Variants in ACTR3C observed in about 807,000 individuals in gnomAD.
ACTR3C encodes the protein actin-related protein 3C.
A neutral mutation model predicts 26.3 loss-of-function variants in ACTR3C; 18 were observed. The ratio of observed to expected loss-of-function variants is 0.68; its 90% CI spans 0.47 to 1.01. The LOEUF (loss-of-function observed/expected upper bound fraction) is 1.01. ACTR3C is among the 50% of genes least tolerant of loss of function. ACTR3C has a pLI of 0.00. For missense variants in ACTR3C, 184 were observed against 250.7 expected (o/e 0.73, Z 1.80); for synonymous variants, 55 against 94.5 (o/e 0.58, Z 2.42).
chr7:150,160,513 G>A, the ACTR3C span, among the ~76,000 whole-genome samples: 1 of 152,160 alleles, frequency 6.6e-6, no homozygotes, highest in Admixed American at 6.5e-5. Flanking sequence ...TGACAGAAAG[G>A]AGAAAGCATG....
At chr7:150,024,319 C>T in the ACTR3C span, among the ~76,000 whole-genome samples, 152 of 152,194 alleles carry the variant, frequency 1.0e-3, 2 homozygotes, top group African/African-American at 3.4e-3. Context: ...GGAGGACCCA[C>T]GGGAGGGTGG....
chr7:149,947,911 A>G, the ACTR3C span, among the ~76,000 whole-genome samples: 2 of 151,688 alleles, frequency 1.3e-5, no homozygotes, highest in African/African-American at 4.9e-5. Flanking sequence ...CTAAATCCCC[A>G]TCTGCTACAG....
the ACTR3C span, chr7:150,076,530 C>T: frequency 1.8e-4 from 28 of 152,130 alleles, no homozygotes; most frequent in African/African-American, 6.7e-4. Flanking sequence ...AATTCCTTCT[C>T]GCCCACACCT....
chr7:150,047,117 T>C, the ACTR3C span, among the ~76,000 whole-genome samples: 1 of 150,934 alleles, frequency 6.6e-6, no homozygotes, highest in Non-Finnish European at 1.5e-5. Context: ...AGGAGAGGCA[T>C]TTGAGTCAAG....
chr7:150,145,118 A>G, the ACTR3C span, among the ~76,000 whole-genome samples: 3 of 144,336 alleles, frequency 2.1e-5, no homozygotes, highest in Non-Finnish European at 4.5e-5. Context: ...TAGAGAAATA[A>G]CTGAGTGGAA....
At chr7:150,150,333 C>T in the ACTR3C span, among the ~76,000 whole-genome samples, 3 of 152,208 alleles carry the variant, frequency 2.0e-5, no homozygotes, top group Non-Finnish European at 2.9e-5. Flanking sequence ...CTTTCTCTCC[C>T]GCTGGTCTTG....
chr7:150,300,137 G>T (rs2129614142), intron 1 of ACTR3C, among the ~76,000 whole-genome samples: 1 of 152,250 alleles, frequency 6.6e-6, no homozygotes, highest in South Asian at 2.1e-4. Flanking sequence ...CGGATCATGA[G>T]CTCAGGAGTT....
the ACTR3C span, among the ~76,000 whole-genome samples, chr7:149,933,557 A>G: frequency 6.6e-6 from 1 of 152,378 alleles, no homozygotes; most frequent in East Asian, 1.9e-4. Flanking sequence ...AAAAGAAACA[A>G]AAAACAATTA....
At chr7:150,163,267 G>T in the ACTR3C span, among the ~76,000 whole-genome samples, 1 of 152,094 alleles carries the variant, frequency 6.6e-6, no homozygotes, top group Non-Finnish European at 1.5e-5. Context: ...TTCCTGGGGA[G>T]TAAGGAGTAC....
the ACTR3C span, among the ~76,000 whole-genome samples, chr7:150,173,139 C>A: frequency 2.0e-5 from 3 of 150,692 alleles, no homozygotes; most frequent in Admixed American, 1.3e-4. Flanking sequence ...AGTAGGGACT[C>A]TGTGTGGGGG....
chr7:150,162,955 C>G, the ACTR3C span, among the ~76,000 whole-genome samples: 3 of 152,068 alleles, frequency 2.0e-5, no homozygotes, highest in African/African-American at 7.2e-5. Context: ...AGTTCGAGAC[C>G]AGTCTGGCCA....
intron 4 of ACTR3C, among the ~76,000 whole-genome samples, chr7:150,288,001 C>T (rs1253288319): frequency 6.8e-6 from 1 of 146,552 alleles, no homozygotes; most frequent in Non-Finnish European, 1.5e-5. Flanking sequence ...TTACACACTC[C>T]CTCAGGCCTG....
the ACTR3C span, among the ~76,000 whole-genome samples, chr7:150,235,088 A>G: frequency 6.6e-6 from 1 of 152,232 alleles, no homozygotes; most frequent in African/African-American, 2.4e-5. Context: ...ACAGGGAGCC[A>G]TCTCAGAATC....
At chr7:149,966,813 C>T in the ACTR3C span, among the ~76,000 whole-genome samples, 1 of 152,030 alleles carries the variant, frequency 6.6e-6, no homozygotes, top group Non-Finnish European at 1.5e-5. Flanking sequence ...CTTAAGCTTC[C>T]ATGTCCTCTT....
the ACTR3C span, among the ~76,000 whole-genome samples, chr7:150,141,416 A>C: frequency 6.6e-6 from 1 of 152,070 alleles, no homozygotes; most frequent in Non-Finnish European, 1.5e-5. Flanking sequence ...CCTGGGGTTC[A>C]TTTAGGACCC....
At chr7:150,251,010 A>G (rs1471616241) in intron 6 of ACTR3C, among the ~76,000 whole-genome samples, 1 of 152,226 alleles carries the variant, frequency 6.6e-6, no homozygotes, top group African/African-American at 2.4e-5. Flanking sequence ...CGGAATATCT[A>G]TAACATCAGC....
chr7:149,909,996 C>T, the ACTR3C span, among the ~76,000 whole-genome samples: 54,953 of 125,412 alleles, frequency 0.44, 12,933 homozygotes, highest in African/African-American at 0.55. Flanking sequence ...TTAAAAGTGC[C>T]TTTACACTCT....
the ACTR3C span, among the ~76,000 whole-genome samples, chr7:150,142,221 C>T: frequency 6.6e-6 from 1 of 152,168 alleles, no homozygotes; most frequent in East Asian, 1.9e-4. Flanking sequence ...CCACCTAGTT[C>T]GTCTACATTC....
At chr7:149,887,678 A>G in the ACTR3C span, among the ~76,000 whole-genome samples, 1 of 152,216 alleles carries the variant, frequency 6.6e-6, no homozygotes, top group Non-Finnish European at 1.5e-5. Context: ...AAGTCGAGCC[A>G]ATCCTGGGCT....
Sources: gnomAD v4.1 joint callset for allele counts (sites outside exome capture counted in the v4.1 genomes callset) on GRCh38, gnomAD v4.1.1 for gene constraint, MANE v1.5 for transcripts, NCBI Gene and HGNC (gene_info 2026-07-23, HGNC 2026-07-21) for gene names.